Variants in PIWIL3 observed in about 807,000 individuals in gnomAD.
PIWIL3 encodes the protein piwi like RNA-mediated gene silencing 3, also known as piwi-like protein 3.
PIWIL3 carries 101 observed loss-of-function variants against 109.7 expected under a neutral mutation model. The observed-to-expected ratio is 0.92, with a 90% CI of 0.78 to 1.09. The LOEUF is 1.09. PIWIL3 is among the 50% of genes least tolerant of loss of function. PIWIL3 has a pLI of 0.00. For synonymous variants in PIWIL3, 373 were observed against 376.4 expected, an observed-to-expected ratio of 0.99 and a Z score of 0.10; for missense variants, 1,031 against 1,072.6, an observed-to-expected ratio of 0.96 and a Z score of 0.54.
chr22:24,756,822 C>T (rs1569108974), intron 4 of PIWIL3, 117 bp from the exon 5 acceptor site: 1 of 859,184 alleles, frequency 1.2e-6, no homozygotes, highest in Non-Finnish European at 1.8e-6. Flanking sequence ...GCTCACGCCT[C>T]TAATCCCAGC....
At chr22:24,720,387 T>C (rs1339332794) in intron 19 of PIWIL3, among the ~76,000 whole-genome samples, 1 of 146,084 alleles carries the variant, frequency 6.8e-6, no homozygotes, top group Non-Finnish European at 1.5e-5. Flanking sequence ...TTCTCCTGCC[T>C]CAGCCTCCCG....
chr22:24,757,681 C>CATATATATAAAAGATGTATATATT (rs1925164698), intron 4 of PIWIL3, among the ~76,000 whole-genome samples: 1 of 118,656 alleles, frequency 8.4e-6, no homozygotes, highest in African/African-American at 3.4e-5. Flanking sequence ...CACACACACA[C>CATATATATAAAAGATGTATATATT]ACACACACAC....
intron 12 of PIWIL3, among the ~76,000 whole-genome samples, chr22:24,743,753 A>G (rs929237420): frequency 6.6e-6 from 1 of 152,170 alleles, no homozygotes. Flanking sequence ...CCAAAAGTAC[A>G]AATATCACCA....
rs2037001906 is a variant in PIWIL3, at chr22:24,757,924, A to T, written c.339T>A (p.Val113=). 6.2e-7 allele frequency: 1 copy of T among 1,610,616 alleles called. No homozygotes were observed. Among genetic ancestry groups the T allele is most frequent in the Non-Finnish European group, 8.5e-7 (1 of 1,179,142 alleles). ...CCAACATACCTGTTTTTGAGTCTTTAACATGCTTCATATCTTGCCTGGTGT... is the reference window on the plus strand; with the variant it reads ...CCAACATACCTGTTTTTGAGTCTTTTACATGCTTCATATCTTGCCTGGTGT... ...VVNTRQDMKH[V]KDSKTGSEGT... is the part of the protein sequence containing the mutation. Residue 113 remains valine, a synonymous_variant, in exon 4 of 21, where the codon GTT becomes GTA. Transcript: ENST00000616349.
At chr22:24,757,326 G>A (rs1352911846) in intron 4 of PIWIL3, among the ~76,000 whole-genome samples, 1 of 151,774 alleles carries the variant, frequency 6.6e-6, no homozygotes, top group East Asian at 1.9e-4. Flanking sequence ...AAGTCTCACT[G>A]CAGGCCAGGG....
intron 12 of PIWIL3, among the ~76,000 whole-genome samples, chr22:24,745,887 C>T (rs1473973030): frequency 6.6e-6 from 1 of 151,924 alleles, no homozygotes; most frequent in African/African-American, 2.4e-5. Context: ...TAAACATATA[C>T]AACCTACCAA....
At chr22:24,747,371 G>T (rs1042667756) in intron 12 of PIWIL3, among the ~76,000 whole-genome samples, 3 of 152,096 alleles carry the variant, frequency 2.0e-5, no homozygotes, top group Non-Finnish European at 4.4e-5. Flanking sequence ...AAACATTGGG[G>T]AAACTCTCCA....
intron 11 of PIWIL3, 129 bp downstream of exon 11, chr22:24,749,275 C>A: frequency 1.4e-6 from 2 of 1,420,326 alleles, no homozygotes; most frequent in Non-Finnish European, 1.9e-6. Flanking sequence ...GAGTTGTCCC[C>A]CAACATCAAA....
At chr22:24,744,614 A>T (rs1026450884) in intron 12 of PIWIL3, among the ~76,000 whole-genome samples, 23 of 152,184 alleles carry the variant, frequency 1.5e-4, no homozygotes, top group Non-Finnish European at 7.4e-5. Flanking sequence ...ATACTTAGAC[A>T]AAATAGATTT....
intron 1 of PIWIL3, among the ~76,000 whole-genome samples, chr22:24,767,551 C>CA (rs111565589): frequency 0.087 from 9,746 of 112,218 alleles, 378 homozygotes; most frequent in South Asian, 0.15. Context: ...AACTCTGTCT[C>CA]AAAAAAAAAA....
intron 1 of PIWIL3, among the ~76,000 whole-genome samples, chr22:24,767,260 G>A (rs760265849): frequency 7.9e-5 from 12 of 152,024 alleles, no homozygotes; most frequent in Non-Finnish European, 1.3e-4. Flanking sequence ...GGCCAGCTGG[G>A]CGGGGTGACT....
intron 12 of PIWIL3, among the ~76,000 whole-genome samples, chr22:24,743,850 A>G (rs1227674504): frequency 6.6e-6 from 1 of 152,178 alleles, no homozygotes; most frequent in Non-Finnish European, 1.5e-5. Flanking sequence ...TTTAAAAAGC[A>G]AACGACAAAT....
At chr22:24,740,539 C>T (rs917155671) in intron 12 of PIWIL3, among the ~76,000 whole-genome samples, 2 of 132,866 alleles carry the variant, frequency 1.5e-5, no homozygotes, top group Non-Finnish European at 3.3e-5. Flanking sequence ...CAGAGCAAGA[C>T]TCCATCTCAA....
At chr22:24,750,005 G>T (rs1398753260) in intron 9 of PIWIL3, among the ~76,000 whole-genome samples, 186 bp from the exon 10 acceptor site, 1 of 152,134 alleles carries the variant, frequency 6.6e-6, no homozygotes, top group South Asian at 2.1e-4. Flanking sequence ...GATATGCCAC[G>T]GATCTTTTCT....
intron 14 of PIWIL3, among the ~76,000 whole-genome samples, chr22:24,730,345 CAG>C (rs796823598): frequency 3.3e-4 from 38 of 114,858 alleles, no homozygotes; most frequent in African/African-American, 1.1e-3. Context: ...GCCTGGGTGA[CAG>C]AGTGAGACTC....
chr22:24,719,714 A>G (rs779936341), intron 20 of PIWIL3, 34 bp downstream of exon 20: 2 of 1,586,358 alleles, frequency 1.3e-6, no homozygotes, highest in African/African-American at 2.7e-5. Context: ...TACATTTAAA[A>G]AATCTGAAGA....
intron 1 of PIWIL3, among the ~76,000 whole-genome samples, chr22:24,771,185 G>A (rs182769283): frequency 3.1e-4 from 47 of 152,098 alleles, no homozygotes; most frequent in Middle Eastern, 3.4e-3. Context: ...CTTTCCGGCC[G>A]GGCGCGGTGG....
At chr22:24,753,283 A>G (rs1924818139) in intron 8 of PIWIL3, among the ~76,000 whole-genome samples, 1 of 152,198 alleles carries the variant, frequency 6.6e-6, no homozygotes, top group African/African-American at 2.4e-5. Context: ...TAGTTCTTAC[A>G]TCTAGGTCTA....
At position 24,744,178 on chromosome 22, in the gene PIWIL3, T is replaced by TTAAAAAAA. The variant is rs1924180538; in HGVS notation, c.1449+4728_1449+4729insTTTTTTTA. On this transcript the variant is annotated intron_variant, in intron 12 of 20. Coordinates refer to ENST00000616349, the MANE Select transcript of PIWIL3 (RefSeq NM_001255975.1). ...ACTCTAATTGAAAGAGTGACCGAAT[T>TTAAAAAAA]AAAAAAAAAAAAAAAAAAAAAAAAA... Among the ~76,000 whole-genome samples, 181 of 34,300 alleles carry TTAAAAAAA rather than the reference T, an allele frequency of 5.3e-3. 35 individuals are homozygous for TTAAAAAAA. Among genetic ancestry groups the TTAAAAAAA allele is most frequent in the Middle Eastern group, 0.043 (2 of 46 alleles). 22.5% of individuals were successfully genotyped at this position (34,300 alleles called of 152,430 possible).
Sources: allele counts gnomAD v4.1 joint callset (sites outside exome capture counted in the v4.1 genomes callset), GRCh38; gene constraint gnomAD v4.1.1; transcripts MANE v1.5; gene names NCBI Gene and HGNC (gene_info 2026-07-23, HGNC 2026-07-21).